PCDH9: variants seen among roughly 807,000 people sequenced by gnomAD.
PCDH9 encodes the protein protocadherin 9.
Under a neutral mutation model 70.6 loss-of-function variants are expected in PCDH9, and 24 were observed. The observed-to-expected ratio is 0.34, with a 90% CI of 0.25 to 0.48. The LOEUF is 0.48. PCDH9 is among the 20% of genes least tolerant of loss of function. The pLI is 0.99. For missense variants in PCDH9, 1,281 were observed against 1,503.6 expected (o/e 0.85, Z 2.45); for synonymous variants, 562 against 558.5 (o/e 1.01, Z -0.09).
intron 2 of PCDH9, among the ~76,000 whole-genome samples, chr13:66,931,647 C>T (rs1294080090): frequency 6.6e-6 from 1 of 152,074 alleles, no homozygotes; most frequent in Non-Finnish European, 1.5e-5. Flanking sequence ...CTAGTGTTCT[C>T]AAGAGTAGGA....
intron 2 of PCDH9, among the ~76,000 whole-genome samples, chr13:66,953,921 C>T (rs997085146): frequency 3.3e-5 from 5 of 152,258 alleles, no homozygotes; most frequent in African/African-American, 4.8e-5. Context: ...TTCACCCCTC[C>T]GCTTTGCTTC....
intron 2 of PCDH9, among the ~76,000 whole-genome samples, chr13:67,112,448 GT>G (rs1412838731): frequency 2.0e-5 from 3 of 152,144 alleles, no homozygotes; most frequent in Non-Finnish European, 4.4e-5. Flanking sequence ...CATGTACATT[GT>G]TTTATTTCAC....
intron 2 of PCDH9, among the ~76,000 whole-genome samples, chr13:66,988,659 T>A (rs527993804): frequency 2.0e-5 from 3 of 151,974 alleles, no homozygotes; most frequent in Middle Eastern, 3.4e-3. Flanking sequence ...ATAATACAAA[T>A]GAAAGAATGA....
At chr13:67,151,964 C>G (rs1039330423) in intron 2 of PCDH9, among the ~76,000 whole-genome samples, 3 of 151,780 alleles carry the variant, frequency 2.0e-5, no homozygotes, top group Admixed American at 6.6e-5. Flanking sequence ...TATGAATGAA[C>G]TAAAAGACTC....
chr13:67,169,742 T>C (rs1259733007), intron 2 of PCDH9, among the ~76,000 whole-genome samples: 1 of 152,224 alleles, frequency 6.6e-6, no homozygotes, highest in East Asian at 1.9e-4. Flanking sequence ...ACATTTTTAT[T>C]ATTTAATTAA....
At chr13:67,140,223 G>A (rs975810736) in intron 2 of PCDH9, among the ~76,000 whole-genome samples, 17 of 152,032 alleles carry the variant, frequency 1.1e-4, no homozygotes, top group Non-Finnish European at 4.4e-5. Context: ...AAAGTGTCTG[G>A]CTCACATTGC....
chr13:66,465,697 A>G (rs974389407), intron 4 of PCDH9, among the ~76,000 whole-genome samples: 6 of 151,904 alleles, frequency 3.9e-5, no homozygotes, highest in African/African-American at 1.4e-4. Context: ...CATTTTTGAA[A>G]TTATTATTAA....
chr13:66,381,246 T>C (rs1351216886), intron 4 of PCDH9, among the ~76,000 whole-genome samples: 4 of 152,206 alleles, frequency 2.6e-5, no homozygotes, highest in African/African-American at 9.6e-5. Context: ...ATAAAGAGTT[T>C]TGAATTCATT....
chr13:66,515,748 A>T (rs1300041787), intron 4 of PCDH9, among the ~76,000 whole-genome samples: 1 of 152,058 alleles, frequency 6.6e-6, no homozygotes. Flanking sequence ...ATAGAAAATT[A>T]TGAATTATGT....
chr13:66,997,525 T>TTGTTC (rs1303259952), intron 2 of PCDH9, among the ~76,000 whole-genome samples: 1 of 151,608 alleles, frequency 6.6e-6, no homozygotes, highest in African/African-American at 2.4e-5. Context: ...TTGTTTTGTT[T>TTGTTC]TGTTTTGTTT....
chr13:66,825,334 C>CTTTTTTTTT (rs11375050), intron 3 of PCDH9: 1 of 103,856 alleles, frequency 9.6e-6, no homozygotes, highest in Non-Finnish European at 1.8e-5. Flanking sequence ...GTTATAAAAA[C>CTTTTTTTTT]TTTTTTTTTT....
intron 4 of PCDH9, among the ~76,000 whole-genome samples, chr13:66,424,221 G>T (rs1300536618): frequency 6.6e-5 from 10 of 152,250 alleles, no homozygotes; most frequent in Admixed American, 5.9e-4. Flanking sequence ...TGGGTAGGAA[G>T]AATCAGTATT....
chr13:67,024,853 T>C (rs1169131067), intron 2 of PCDH9, among the ~76,000 whole-genome samples: 2 of 152,164 alleles, frequency 1.3e-5, no homozygotes, highest in Non-Finnish European at 2.9e-5. Flanking sequence ...AAAAATAACA[T>C]TTTCTGATTT....
At chr13:67,217,580 T>C (rs1482552622) in intron 2 of PCDH9, 1 of 152,114 alleles carries the variant, frequency 6.6e-6, no homozygotes, top group Admixed American at 6.6e-5. Flanking sequence ...CATGTATGTC[T>C]AGAACAAAAT....
intron 3 of PCDH9, among the ~76,000 whole-genome samples, chr13:66,829,199 T>C (rs1172244353): frequency 6.6e-6 from 1 of 152,046 alleles, no homozygotes; most frequent in Admixed American, 6.6e-5. Flanking sequence ...GTACTTTTAG[T>C]AGAGATGGGG....
At chr13:66,506,650 T>C (rs1959219363) in intron 4 of PCDH9, among the ~76,000 whole-genome samples, 1 of 152,164 alleles carries the variant, frequency 6.6e-6, no homozygotes, top group Non-Finnish European at 1.5e-5. Context: ...CCATGTCTGT[T>C]TTCAATCCTG....
intron 3 of PCDH9, among the ~76,000 whole-genome samples, chr13:66,800,234 C>G (rs954361024): frequency 2.0e-5 from 3 of 152,088 alleles, no homozygotes; most frequent in Non-Finnish European, 4.4e-5. Flanking sequence ...CCTGCCCTCT[C>G]ACCCCCAGCC....
chr13:67,163,747 C>T (rs1355315712), intron 2 of PCDH9, among the ~76,000 whole-genome samples: 1 of 152,130 alleles, frequency 6.6e-6, no homozygotes, highest in Admixed American at 6.6e-5. Flanking sequence ...TTGAGGCTTC[C>T]AAAATGTACA....
At chr13:67,002,965 T>C (rs889288325) in intron 2 of PCDH9, among the ~76,000 whole-genome samples, 11 of 152,046 alleles carry the variant, frequency 7.2e-5, no homozygotes, top group African/African-American at 2.2e-4. Context: ...TCCCTGTGTG[T>C]ACATGGAGGC....
Sources: gnomAD v4.1 joint callset for allele counts (sites outside exome capture counted in the v4.1 genomes callset) on GRCh38, gnomAD v4.1.1 for gene constraint, MANE v1.5 for transcripts, NCBI Gene and HGNC (gene_info 2026-07-23, HGNC 2026-07-21) for gene names.